ITGB3: variants seen among roughly 807,000 people sequenced by gnomAD.
The protein encoded by ITGB3 is integrin subunit beta 3.
In ITGB3, 48 loss-of-function variants were observed where a neutral mutation model predicts 85.8. The observed-to-expected ratio is 0.56, with a 90% CI of 0.44 to 0.71. The LOEUF is 0.71. ITGB3 is among the 30% of genes least tolerant of loss of function. ITGB3 has a pLI of 0.00. For missense variants in ITGB3, 861 were observed against 1,019.1 expected (o/e 0.84, Z 2.11); for synonymous variants, 363 against 395.6 (o/e 0.92, Z 0.98).
Position 47,299,252 on chromosome 17 carries a change from C to T in ITGB3, c.1691-56C>T. On this transcript the variant is annotated intron_variant, in intron 10 of 14. Transcript: ENST00000559488. The surrounding 1 kb of genome is among the most constrained non-coding windows in gnomAD (Gnocchi z 5.1). ...CAGGATGGTCGTGTGTAGCCTGCTGCCATGGGAGTGGAGCTCTCGCCAGCG... is the reference window on the plus strand; with the variant it reads ...CAGGATGGTCGTGTGTAGCCTGCTGTCATGGGAGTGGAGCTCTCGCCAGCG... 1 of 1,512,018 alleles carries T rather than the reference C, an allele frequency of 6.6e-7. No homozygotes were observed. Among genetic ancestry groups the T allele is most frequent in the Non-Finnish European group, 9.1e-7 (1 of 1,094,104 alleles). The allele number at this position is 1,512,018 out of a possible 1,614,324, so 93.7% of individuals were successfully genotyped here. A position where few individuals can be genotyped will look rare whatever the true frequency, so the allele number is the denominator to read the frequency against.
intron 1 of ITGB3, 54 bp from the exon 2 acceptor site, chr17:47,274,365 A>G: frequency 6.6e-7 from 1 of 1,512,742 alleles, no homozygotes; most frequent in Non-Finnish European, 9.1e-7. Context: ...TGAGGCAGGC[A>G]AGTACCTTCA....
intron 1 of ITGB3, among the ~76,000 whole-genome samples, chr17:47,270,958 G>C (rs762829597): frequency 2.0e-5 from 3 of 152,168 alleles, no homozygotes; most frequent in African/African-American, 7.2e-5. Context: ...GAGCTCAGTT[G>C]CTTAAAAAAG....
intron 2 of ITGB3, among the ~76,000 whole-genome samples, chr17:47,282,645 G>A (rs913339015): frequency 3.9e-5 from 6 of 152,146 alleles, no homozygotes; most frequent in Admixed American, 2.6e-4. Flanking sequence ...GTCCTAGGTC[G>A]GATGCTGGGA....
chr17:47,309,897 A>G (rs1404116856), intron 14 of ITGB3, among the ~76,000 whole-genome samples: 1 of 28,772 alleles, frequency 3.5e-5, no homozygotes, highest in Non-Finnish European at 7.2e-5. Flanking sequence ...CCCTGTCTGA[A>G]AAAAAAAAAA....
At chr17:47,272,873 A>G (rs983598198) in intron 1 of ITGB3, among the ~76,000 whole-genome samples, 3 of 151,854 alleles carry the variant, frequency 2.0e-5, no homozygotes, top group African/African-American at 7.3e-5. Flanking sequence ...TCCTTGGTTC[A>G]AGTGATTCTC....
intron 6 of ITGB3, among the ~76,000 whole-genome samples, chr17:47,287,607 A>C (rs889196345): frequency 2.6e-5 from 4 of 151,864 alleles, no homozygotes; most frequent in African/African-American, 9.7e-5. Context: ...AAGACAGAGG[A>C]AAAAAAAGAG....
rs372053932 is a variant in ITGB3, at chr17:47,299,288, C to T, written c.1691-20C>T. On this transcript the variant is annotated intron_variant, in intron 10 of 14. Coordinates refer to ENST00000559488, the MANE Select transcript of ITGB3 (RefSeq NM_000212.3). The surrounding 1 kb of genome is among the most constrained non-coding windows in gnomAD (Gnocchi z 5.1). ...GAGCTCTCGCCAGCGGGTCCACCTTCCTGGGCTGTGTGTTTTCAGGCCATG... is the reference window on the plus strand; with the variant it reads ...GAGCTCTCGCCAGCGGGTCCACCTTTCTGGGCTGTGTGTTTTCAGGCCATG... The T allele has an allele frequency of 6.6e-5, 106 of 1,612,348 alleles. No homozygotes were observed. The highest frequency in any genetic ancestry group is 8.6e-5 in the Non-Finnish European group (101 of 1,179,610).
At chr17:47,277,006 G>A (rs1262003798) in intron 2 of ITGB3, among the ~76,000 whole-genome samples, 3 of 152,126 alleles carry the variant, frequency 2.0e-5, no homozygotes, top group Non-Finnish European at 4.4e-5. Context: ...CTAGAGGACC[G>A]GAGCTCTTGG....
chr17:47,255,259 G>A (rs1182621904), intron 1 of ITGB3, among the ~76,000 whole-genome samples: 1 of 152,042 alleles, frequency 6.6e-6, no homozygotes, highest in Non-Finnish European at 1.5e-5. Context: ...GAATACAGGC[G>A]TGAGCCACCG....
chr17:47,290,787 A>C (rs1030177185), intron 8 of ITGB3, among the ~76,000 whole-genome samples, 167 bp from the exon 9 acceptor site: 1 of 152,120 alleles, frequency 6.6e-6, no homozygotes, highest in Non-Finnish European at 1.5e-5. Context: ...CAGGAAACAG[A>C]GTCCTAGGGG....
intron 1 of ITGB3, among the ~76,000 whole-genome samples, chr17:47,264,429 T>C (rs1265577508): frequency 6.6e-6 from 1 of 152,212 alleles, no homozygotes; most frequent in African/African-American, 2.4e-5. Flanking sequence ...TCCACTGCCA[T>C]CTGTTGCCTG....
chr17:47,277,868 G>T (rs1383159297), intron 2 of ITGB3, among the ~76,000 whole-genome samples: 1 of 152,186 alleles, frequency 6.6e-6, no homozygotes, highest in African/African-American at 2.4e-5. Flanking sequence ...AACTGCAGGA[G>T]CAAGATATAG....
chr17:47,301,281 A>G (rs1189596491), intron 12 of ITGB3, among the ~76,000 whole-genome samples: 1 of 152,230 alleles, frequency 6.6e-6, no homozygotes, highest in Non-Finnish European at 1.5e-5. Flanking sequence ...ATGGTACTCT[A>G]GTACTAGAGA....
chr17:47,265,086 T>C (rs2065020821), intron 1 of ITGB3, among the ~76,000 whole-genome samples: 1 of 152,240 alleles, frequency 6.6e-6, no homozygotes, highest in Non-Finnish European at 1.5e-5. Flanking sequence ...AATGAATCAA[T>C]GAATGCTGAC....
intron 1 of ITGB3, among the ~76,000 whole-genome samples, chr17:47,266,033 G>A (rs74987632): frequency 0.013 from 1,950 of 152,214 alleles, 24 homozygotes; most frequent in Middle Eastern, 0.027. Context: ...AACTTTCTTA[G>A]CAACTTGCTC....
intron 2 of ITGB3, among the ~76,000 whole-genome samples, chr17:47,275,384 C>A (rs1217670577): frequency 6.7e-6 from 1 of 149,462 alleles, no homozygotes; most frequent in African/African-American, 2.5e-5. Flanking sequence ...TTGGAGCTGG[C>A]AAGAGCTGAT....
At chr17:47,299,000 T>G (rs543862619) in intron 10 of ITGB3, among the ~76,000 whole-genome samples, 2 of 152,330 alleles carry the variant, frequency 1.3e-5, no homozygotes, top group South Asian at 4.1e-4. Flanking sequence ...CCCTTTCTCT[T>G]GCCTTTCTCA....
intron 2 of ITGB3, among the ~76,000 whole-genome samples, chr17:47,280,566 A>G (rs952043734): frequency 6.6e-6 from 1 of 152,186 alleles, no homozygotes; most frequent in African/African-American, 2.4e-5. Flanking sequence ...CCTGTGGCCC[A>G]GGGTGGTCCG....
Position 47,291,100 on chromosome 17 carries a change from T to TGGGCAG in ITGB3, c.1260+15_1260+20dup, listed in dbSNP as rs2065123773. On this transcript the variant is annotated intron_variant, in intron 9 of 14. Transcript: ENST00000559488. ...AGATTGGAGACACGGTGAGGTGGGC[T>TGGGCAG]GGGCAGGGCCTTTGTCCTGGAGCAT... is the stretch of plus-strand genomic sequence containing the variant. The TGGGCAG allele has an allele frequency of 6.2e-7, 1 of 1,613,992 alleles. No individual in the cohort carries two copies. The highest frequency in any genetic ancestry group is 1.3e-5 in the African/African-American group (1 of 74,930).
Sources: allele counts gnomAD v4.1 joint callset (sites outside exome capture counted in the v4.1 genomes callset), GRCh38; gene constraint gnomAD v4.1.1; non-coding constraint Gnocchi (gnomAD v3.1); transcripts MANE v1.5; gene names NCBI Gene and HGNC (gene_info 2026-07-23, HGNC 2026-07-21).